Variants in GRIN2A observed in about 807,000 individuals in gnomAD.
The protein encoded by GRIN2A is glutamate receptor ionotropic, NMDA 2A.
GRIN2A carries 22 observed loss-of-function variants against 113.4 expected under a neutral mutation model. The observed-to-expected ratio is 0.19, with a 90% CI of 0.14 to 0.28. GRIN2A has a LOEUF of 0.28. GRIN2A is among the 10% of genes least tolerant of loss of function. The pLI is 1.00. For synonymous variants in GRIN2A, 827 were observed against 738.4 expected, an observed-to-expected ratio of 1.12 and a Z score of -1.94; for missense variants, 1,502 against 1,887.0, an observed-to-expected ratio of 0.80 and a Z score of 3.78.
chr16:9,834,328 TA>T, intron 7 of GRIN2A, 98 bp from the exon 8 acceptor site: 1 of 1,103,546 alleles, frequency 9.1e-7, no homozygotes. Context: ...TCGCCAAAAA[TA>T]TTTTCTCTAA....
At chr16:9,831,492 C>T (rs1356441238) in intron 8 of GRIN2A, among the ~76,000 whole-genome samples, 1 of 149,124 alleles carries the variant, frequency 6.7e-6, no homozygotes, top group Non-Finnish European at 1.5e-5. Flanking sequence ...GTCTCCCTGC[C>T]ATTGTTTTTT....
chr16:9,803,658 C>G (rs1236657469), intron 10 of GRIN2A, among the ~76,000 whole-genome samples: 4 of 152,136 alleles, frequency 2.6e-5, no homozygotes, highest in African/African-American at 4.8e-5. Context: ...ATTTTTTGGT[C>G]CTTCTCCTTG....
At chr16:9,765,692 T>C (rs926186025) in intron 12 of GRIN2A, among the ~76,000 whole-genome samples, 1 of 152,156 alleles carries the variant, frequency 6.6e-6, no homozygotes, top group African/African-American at 2.4e-5. Context: ...TTTAAACCCC[T>C]GGAGCCACTC....
At chr16:9,795,938 C>A (rs963934656) in intron 11 of GRIN2A, among the ~76,000 whole-genome samples, 3 of 152,186 alleles carry the variant, frequency 2.0e-5, no homozygotes, top group African/African-American at 7.2e-5. Flanking sequence ...TGGCCCCCTT[C>A]CAGAGTAAGG....
intron 12 of GRIN2A, 38 bp downstream of exon 12, chr16:9,768,813 G>C (rs991293191): frequency 2.1e-6 from 3 of 1,398,428 alleles, no homozygotes; most frequent in Non-Finnish European, 3.1e-6. Flanking sequence ...TTCTAAACCT[G>C]CTTGCAGTGC....
At chr16:10,163,117 A>G (rs117566631) in intron 2 of GRIN2A, among the ~76,000 whole-genome samples, 2,817 of 152,282 alleles carry the variant, frequency 0.018, 34 homozygotes, top group Non-Finnish European at 0.026. Flanking sequence ...TTCAACCCCA[A>G]TGAAAACAGG....
chr16:9,805,608 A>C (rs1247960284), intron 10 of GRIN2A: 1 of 152,252 alleles, frequency 6.6e-6, no homozygotes, highest in African/African-American at 2.4e-5. Flanking sequence ...AAGCCCGGTC[A>C]TGGGACCTCT....
intron 2 of GRIN2A, among the ~76,000 whole-genome samples, chr16:9,993,182 G>A (rs1596398000): frequency 6.6e-6 from 1 of 151,926 alleles, no homozygotes; most frequent in Middle Eastern, 3.4e-3. Context: ...GCAGTGAGCC[G>A]AGATCTCTCC....
chr16:10,043,723 G>A (rs1029673412), intron 2 of GRIN2A, among the ~76,000 whole-genome samples: 3 of 151,760 alleles, frequency 2.0e-5, no homozygotes, highest in Non-Finnish European at 4.4e-5. Context: ...ATCTTAACCT[G>A]CCCCCATCAG....
chr16:10,126,932 G>C (rs566645741), intron 2 of GRIN2A, among the ~76,000 whole-genome samples: 3 of 152,284 alleles, frequency 2.0e-5, no homozygotes, highest in Non-Finnish European at 4.4e-5. Context: ...ACACTCTGAA[G>C]TCCTGACCTC....
At chr16:9,863,856 G>A (rs2043114628) in intron 4 of GRIN2A, among the ~76,000 whole-genome samples, 1 of 152,136 alleles carries the variant, frequency 6.6e-6, no homozygotes, top group Admixed American at 6.5e-5. Context: ...ACATAAACTT[G>A]GTTGAACTTA....
intron 9 of GRIN2A, among the ~76,000 whole-genome samples, chr16:9,823,955 A>C (rs896575497): frequency 6.6e-6 from 1 of 152,196 alleles, no homozygotes; most frequent in Non-Finnish European, 1.5e-5. Context: ...AGTCTCTCCA[A>C]CTTCCAGACC....
chr16:10,079,327 G>A (rs527704583), intron 2 of GRIN2A, among the ~76,000 whole-genome samples: 15 of 152,202 alleles, frequency 9.9e-5, no homozygotes, highest in Non-Finnish European at 2.2e-4. Context: ...GTCAGGGAAG[G>A]CCTCTTAAGG....
Position 9,953,547 on chromosome 16 carries a change from G to T in GRIN2A, c.415-14996C>A, listed in dbSNP as rs148610405. Among the ~76,000 whole-genome samples, 565 of 152,246 alleles carry T rather than the reference G, an allele frequency of 3.7e-3. 1 individual carries two copies. Among genetic ancestry groups the T allele is most frequent in the African/African-American group, 0.013 (535 of 41,538 alleles). Reference sequence around the variant, plus strand: ...AGGCAGGTCTGAAGATGAGAAAGGGGTCAGGGCTGAGGCTTGAGATTTAGA... The same window carrying T: ...AGGCAGGTCTGAAGATGAGAAAGGGTTCAGGGCTGAGGCTTGAGATTTAGA... On this transcript the variant is annotated intron_variant, in intron 2 of 12. Coordinates refer to ENST00000330684, the MANE Select transcript of GRIN2A (RefSeq NM_001134407.3).
At chr16:9,949,257 G>C (rs2045105970) in intron 2 of GRIN2A, among the ~76,000 whole-genome samples, 1 of 152,230 alleles carries the variant, frequency 6.6e-6, no homozygotes, top group African/African-American at 2.4e-5. Flanking sequence ...CCAGTACATG[G>C]GGAGCTGAGA....
At chr16:9,940,647 G>T (rs141448468) in intron 2 of GRIN2A, among the ~76,000 whole-genome samples, 1 of 152,144 alleles carries the variant, frequency 6.6e-6, no homozygotes, top group Non-Finnish European at 1.5e-5. Flanking sequence ...TGGAAAGAAT[G>T]GGAATTCAGT....
intron 4 of GRIN2A, among the ~76,000 whole-genome samples, chr16:9,886,728 C>G (rs1014446888): frequency 6.6e-6 from 1 of 152,114 alleles, no homozygotes; most frequent in South Asian, 2.1e-4. Context: ...ACCATGAAGT[C>G]AGGGCTCCGG....
intron 2 of GRIN2A, among the ~76,000 whole-genome samples, chr16:10,014,361 A>G (rs2046564227): frequency 6.6e-6 from 1 of 152,212 alleles, no homozygotes; most frequent in South Asian, 2.1e-4. Flanking sequence ...TTAGTAAACC[A>G]TATTTGAAGC....
chr16:10,162,307 C>G (rs2049822964), intron 2 of GRIN2A, among the ~76,000 whole-genome samples: 1 of 152,162 alleles, frequency 6.6e-6, no homozygotes, highest in African/African-American at 2.4e-5. Context: ...CTTGACTCCA[C>G]TGAGGCTCAG....
Sources: gnomAD v4.1 joint callset for allele counts (sites outside exome capture counted in the v4.1 genomes callset) on GRCh38, gnomAD v4.1.1 for gene constraint, MANE v1.5 for transcripts, NCBI Gene and HGNC (gene_info 2026-07-23, HGNC 2026-07-21) for gene names.